Variants in LMO7 observed in about 807,000 individuals in gnomAD.
LMO7 encodes LIM domain 7.
LMO7 carries 120 observed loss-of-function variants against 206.5 expected under a neutral mutation model. The observed-to-expected ratio is 0.58, with a 90% confidence interval of 0.50 to 0.68. The LOEUF is 0.68. Ranked by LOEUF, LMO7 falls within the 30% of genes least tolerant of loss-of-function variation. The pLI is 0.00. For missense variants in LMO7, 1,959 were observed against 1,957.9 expected, an observed-to-expected ratio of 1.00 and a Z score of -0.01; for synonymous variants, 706 against 681.5, an observed-to-expected ratio of 1.04 and a Z score of -0.56.
chr13:75,707,857 TGAGGGGGTCTTCAGACCCCCTC>T lies in LMO7; in HGVS notation c.70-5324_70-5303del, dbSNP rs1446786879. On this transcript the variant is annotated intron_variant, in intron 1 of 30. Coordinates refer to ENST00000377534, the MANE Select transcript of LMO7 (RefSeq NM_001306080.2). ...AAGAGTACATCAATATTTAGATATATGAGGGGGTCTTCAGACCCCCTCATATATCTACACATGATCTTGCCTT... is the reference window on the plus strand; with the variant it reads ...AAGAGTACATCAATATTTAGATATATATATATCTACACATGATCTTGCCTT... Among the ~76,000 whole-genome samples the T allele has an allele frequency of 1.8e-3, 270 of 151,960 alleles. 4 individuals carry two copies. The highest frequency in any genetic ancestry group is 1.6e-3 in the Non-Finnish European group (108 of 67,904).
intron 15 of LMO7, among the ~76,000 whole-genome samples, chr13:75,827,178 C>G (rs2058196919): frequency 1.3e-5 from 2 of 152,178 alleles, no homozygotes; most frequent in Non-Finnish European, 1.5e-5. Flanking sequence ...GTTTTACGGA[C>G]TTGAACTGCA....
chr13:75,834,286 C>A lies in LMO7; in HGVS notation c.3125C>A (p.Thr1042Asn). The change falls in exon 17 of 31, where the codon ACC becomes AAC. Residue 1042 changes from threonine to asparagine, a missense_variant. Thr to Asn is a moderately conservative substitution (Grantham distance 65). Transcript: ENST00000377534. ...VDDEIIAINN[T>N]KFSYNDSKEW... ...GATGAAATTATTGCTATTAACAACA[C>A]CAAGTTTTCATATAACGATTCAAAA... 1.2e-6 allele frequency: 2 copies of A among 1,611,148 alleles called. No homozygotes were observed. Among genetic ancestry groups the A allele is most frequent in the Non-Finnish European group, 1.7e-6 (2 of 1,178,406 alleles).
Position 75,849,363 on chromosome 13 carries a change from G to C in LMO7, c.4364+71G>C, listed in dbSNP as rs956758586. ...AGATATTTAATTTGTAGACATCCTG[G>C]TGCTTTGGACAGAAGAGATGAAAGG... is the stretch of plus-strand genomic sequence containing the variant. On this transcript the variant is annotated intron_variant, in intron 27 of 30. Coordinates refer to ENST00000377534, the MANE Select transcript of LMO7 (RefSeq NM_001306080.2). The C allele has an allele frequency of 2.5e-6, 3 of 1,219,112 alleles. No individual in the cohort carries two copies. In the African/African-American group the frequency reaches 4.5e-5, roughly 18 times the overall value. 75.5% of individuals were successfully genotyped at this position (1,219,112 alleles called of 1,614,324 possible).
rs33919449 is a variant in LMO7, at chr13:75,820,997, C to CA, written c.2208-163dup. ...TGGACGACAGAGCGAGATTCGGTCT[C>CA]AAAAAAAAAAAAAAAAAGATAATTG... On this transcript the variant is annotated intron_variant, in intron 13 of 30. Coordinates refer to ENST00000377534, the MANE Select transcript of LMO7 (RefSeq NM_001306080.2). Among the ~76,000 whole-genome samples the CA allele has an allele frequency of 1.3e-3, 170 of 126,762 alleles. 2 individuals carry two copies. In the East Asian group the frequency reaches 0.017, roughly 12 times the overall value. 83.2% of individuals were successfully genotyped at this position (126,762 alleles called of 152,430 possible).
chr13:75,809,834 T>C (rs1595183546), intron 11 of LMO7, among the ~76,000 whole-genome samples: 1 of 148,416 alleles, frequency 6.7e-6, no homozygotes, highest in Non-Finnish European at 1.5e-5. Context: ...CTACATTTTT[T>C]TTTTTTTTTT....
At chr13:75,663,432 C>CTTT (rs1178254643) in intron 1 of LMO7, among the ~76,000 whole-genome samples, 1,190 of 111,328 alleles carry the variant, frequency 0.011, 17 homozygotes, top group African/African-American at 0.026. Flanking sequence ...TTCTTTCTTT[C>CTTT]TTTTTTTTTT....
rs531947675 is a variant in LMO7, at chr13:75,711,667, C to T, written c.70-1515C>T. On this transcript the variant is annotated intron_variant, in intron 1 of 30. Coordinates refer to ENST00000377534, the MANE Select transcript of LMO7 (RefSeq NM_001306080.2). Reference sequence around the variant, plus strand: ...AGTGAGAGGAAGCCAGTACCTCAGTCGGAAATGCAGAAATCACCCGTCTTC... The same window carrying T: ...AGTGAGAGGAAGCCAGTACCTCAGTTGGAAATGCAGAAATCACCCGTCTTC... Among the ~76,000 whole-genome samples, 100 of 152,288 alleles carry T rather than the reference C, an allele frequency of 6.6e-4. 1 individual carries two copies. Among genetic ancestry groups the T allele is most frequent in the African/African-American group, 2.2e-3 (93 of 41,562 alleles).
intron 3 of LMO7, among the ~76,000 whole-genome samples, chr13:75,760,078 G>T (rs1424559558): frequency 6.6e-6 from 1 of 151,540 alleles, no homozygotes; most frequent in Non-Finnish European, 1.5e-5. Context: ...TTTTAGAGTA[G>T]TAGAGATGAA....
In LMO7 at chr13:75,846,044, T is replaced by C. The variant is rs139621418; in HGVS notation, c.4150+665T>C. 2.5e-4 allele frequency among the ~76,000 whole-genome samples: 38 copies of C among 152,110 alleles called. 1 individual carries two copies. Among genetic ancestry groups the C allele is most frequent in the African/African-American group, 8.9e-4 (37 of 41,464 alleles). ...ATAGCCACTGCCCAGCTCCAGCCTA[T>C]CATTGCCATGCTGGAGAAGGCAACC... On this transcript the variant is annotated intron_variant, in intron 26 of 30. Coordinates refer to ENST00000377534, the MANE Select transcript of LMO7 (RefSeq NM_001306080.2).
At chr13:75,809,696 G>T (rs946723207) in intron 11 of LMO7, among the ~76,000 whole-genome samples, 12 of 151,966 alleles carry the variant, frequency 7.9e-5, no homozygotes, top group South Asian at 6.2e-4. Context: ...GGTGGTATTT[G>T]GAAGTATTAT....
intron 13 of LMO7, among the ~76,000 whole-genome samples, chr13:75,820,353 A>G (rs761901296): frequency 1.5e-4 from 23 of 152,200 alleles, no homozygotes; most frequent in Non-Finnish European, 2.9e-4. Context: ...CTGTCAAGCT[A>G]TGTGAAATCA....
intron 4 of LMO7, among the ~76,000 whole-genome samples, chr13:75,789,316 A>G (rs2052912512): frequency 6.6e-6 from 1 of 152,124 alleles, no homozygotes; most frequent in African/African-American, 2.4e-5. Flanking sequence ...TTGGAGCATA[A>G]AGAATTCAAC....
intron 4 of LMO7, among the ~76,000 whole-genome samples, chr13:75,768,424 C>T (rs1001592809): frequency 1.3e-5 from 2 of 152,086 alleles, no homozygotes; most frequent in Admixed American, 1.3e-4. Flanking sequence ...AGAGAACAGA[C>T]AGCTAAGTTA....
chr13:75,706,311 T>C (rs1477371494), intron 1 of LMO7, among the ~76,000 whole-genome samples: 1 of 152,234 alleles, frequency 6.6e-6, no homozygotes, highest in African/African-American at 2.4e-5. Flanking sequence ...ATAGTCCTGC[T>C]ATAAAATTGT....
chr13:75,654,624 A>G (rs1421713356), intron 1 of LMO7, among the ~76,000 whole-genome samples: 1 of 152,128 alleles, frequency 6.6e-6, no homozygotes, highest in African/African-American at 2.4e-5. Context: ...TTTCCTCTGC[A>G]TCTCTCTTTC....
Position 75,857,990 on chromosome 13 carries a change from G to C in LMO7, c.*47G>C, listed in dbSNP as rs770929283. 2.5e-6 allele frequency: 4 copies of C among 1,606,044 alleles called. No homozygotes were observed. In the South Asian group the frequency reaches 4.4e-5, roughly 18 times the overall value. On this transcript the variant is annotated 3_prime_UTR_variant, in exon 31 of 31. Coordinates refer to ENST00000377534, the MANE Select transcript of LMO7 (RefSeq NM_001306080.2). ...ACTGTTGCAGATAGAAGAAGAGGTG[G>C]TTGCTGCTCATGTAGATCTATAAAT...
chr13:75,629,781 A>G (rs1728850806), intron 2 of LMO7, among the ~76,000 whole-genome samples: 1 of 152,164 alleles, frequency 6.6e-6, no homozygotes, highest in African/African-American at 2.4e-5. Flanking sequence ...CGCTAATGAG[A>G]GACTTAACTA....
intron 1 of LMO7, among the ~76,000 whole-genome samples, chr13:75,647,973 A>T (rs1429512890): frequency 2.6e-3 from 12 of 4,586 alleles, no homozygotes; most frequent in Admixed American, 0.023. Flanking sequence ...TTTTTTTGAG[A>T]CAGGGTCTCC....
At chr13:75,815,024 A>G (rs1428894460) in intron 11 of LMO7, among the ~76,000 whole-genome samples, 1 of 152,138 alleles carries the variant, frequency 6.6e-6, no homozygotes, top group East Asian at 1.9e-4. Context: ...CTTTAACTCT[A>G]ATGAAATGGG....
Sources: gnomAD v4.1 joint callset for allele counts (sites outside exome capture counted in the v4.1 genomes callset) on GRCh38, gnomAD v4.1.1 for gene constraint, MANE v1.5 for transcripts, NCBI Gene and HGNC (gene_info 2026-07-23, HGNC 2026-07-21) for gene names.